The following UBE4B variants were observed in gnomAD, a reference collection of about 807,000 sequenced individuals.
UBE4B encodes the protein ubiquitin conjugation factor E4 B.
In UBE4B, 27 loss-of-function variants were observed where a neutral mutation model predicts 148.1. The ratio of observed to expected loss-of-function variants is 0.18; its 90% CI spans 0.13 to 0.25. The LOEUF is 0.25. UBE4B is among the 10% of genes least tolerant of loss of function. The probability of loss-of-function intolerance (pLI) is 1.00; values close to 1 mark genes in which losing one functional copy is unlikely to be tolerated. For synonymous variants in UBE4B, 596 were observed against 619.3 expected, an observed-to-expected ratio of 0.96 and a Z score of 0.56; for missense variants, 1,170 against 1,662.4, an observed-to-expected ratio of 0.70 and a Z score of 5.15.
chr1:10,098,556 A>G (rs920645037), intron 3 of UBE4B, among the ~76,000 whole-genome samples: 4 of 152,218 alleles, frequency 2.6e-5, no homozygotes, highest in Admixed American at 6.5e-5. Context: ...AGTTGAGCCA[A>G]TGTTCCTCCT....
In UBE4B at chr1:10,130,663, C is replaced by A. The variant is rs147718823; in HGVS notation, c.1812+47C>A. Reference sequence around the variant, plus strand: ...ACTTTGCTGCCCTTTTATTCAGATTCTTTCCCAAATGTGCATTATATGTTG... The same window carrying A: ...ACTTTGCTGCCCTTTTATTCAGATTATTTCCCAAATGTGCATTATATGTTG... On this transcript the variant is annotated intron_variant, in intron 13 of 27. Transcript: ENST00000343090. 4.7e-4 allele frequency: 751 copies of A among 1,612,528 alleles called. 6 individuals carry two copies. The East Asian group carries it at 0.013, about 27-fold the overall frequency.
chr1:10,130,468 C>A, intron 12 of UBE4B, 32 bp from the exon 13 acceptor site: 1 of 1,584,364 alleles, frequency 6.3e-7, no homozygotes, highest in South Asian at 1.1e-5. Flanking sequence ...GCCTGTTCAG[C>A]GGCTTGACTG....
At chr1:10,063,861 C>G (rs1007129651) in intron 1 of UBE4B, among the ~76,000 whole-genome samples, 8 of 151,604 alleles carry the variant, frequency 5.3e-5, no homozygotes, top group African/African-American at 1.9e-4. Flanking sequence ...TGAGCCGAGA[C>G]CATGCCATTG....
intron 25 of UBE4B, among the ~76,000 whole-genome samples, chr1:10,175,749 G>A (rs1646419914): frequency 6.6e-6 from 1 of 152,096 alleles, no homozygotes; most frequent in Non-Finnish European, 1.5e-5. Flanking sequence ...CTAAGTAATT[G>A]CTCCCTCCTC....
chr1:10,139,432 G>GT (rs931127796), intron 17 of UBE4B, among the ~76,000 whole-genome samples: 4 of 152,112 alleles, frequency 2.6e-5, no homozygotes, highest in African/African-American at 9.6e-5. Context: ...ATATTCTCCT[G>GT]TTTTTTATGT....
Position 10,144,905 on chromosome 1 carries a change from T to C in UBE4B, c.2364-35T>C, listed in dbSNP as rs1172561838. 4.5e-6 allele frequency: 7 copies of C among 1,538,488 alleles called. No homozygotes were observed. The African/African-American group carries it at 8.2e-5, about 18-fold the overall frequency. On this transcript the variant is annotated intron_variant, in intron 17 of 27. Transcript: ENST00000343090. ...TGAATGGGTAAGATGGATCCGGCTG[T>C]TTTCTTTCATTTGACTGTTAGTCTT...
chr1:10,142,066 C>T (rs1217320816), intron 17 of UBE4B, among the ~76,000 whole-genome samples: 1 of 151,730 alleles, frequency 6.6e-6, no homozygotes, highest in African/African-American at 2.4e-5. Flanking sequence ...CTATAAGCTC[C>T]ACCACATAAT....
chr1:10,075,395 G>A (rs1207843447), intron 2 of UBE4B, among the ~76,000 whole-genome samples: 1 of 152,150 alleles, frequency 6.6e-6, no homozygotes, highest in Admixed American at 6.5e-5. Context: ...TCTCTTGCCT[G>A]GATTTCTGGA....
chr1:10,065,053 G>A (rs1385046531), intron 1 of UBE4B, among the ~76,000 whole-genome samples: 4 of 152,074 alleles, frequency 2.6e-5, no homozygotes, highest in East Asian at 1.9e-4. Context: ...GTGAGCCACC[G>A]CGCCTGGCCC....
rs900084999 is a variant in UBE4B, at chr1:10,162,583, C to T, written c.3198+1297C>T. 8.6e-5 allele frequency among the ~76,000 whole-genome samples: 13 copies of T among 151,256 alleles called. 1 individual carries two copies. Among genetic ancestry groups the T allele is most frequent in the Non-Finnish European group, 1.5e-5 (1 of 67,950 alleles). On this transcript the variant is annotated intron_variant, in intron 23 of 27. Transcript: ENST00000343090. ...TCAGCCTCCCAAAGTGCTGGGACTACAGGCGTGAGTCACCGCGCCCAGACT... is the reference window on the plus strand; with the variant it reads ...TCAGCCTCCCAAAGTGCTGGGACTATAGGCGTGAGTCACCGCGCCCAGACT...
At chr1:10,092,224 T>G (rs202036384) in intron 2 of UBE4B, among the ~76,000 whole-genome samples, 101 of 101,236 alleles carry the variant, frequency 1.0e-3, no homozygotes, top group African/African-American at 4.8e-3. Context: ...ACCCATCTCT[T>G]TTGTTTTGTT....
At position 10,130,716 on chromosome 1, in the gene UBE4B, T is replaced by G; in HGVS notation, c.1814T>G (p.Val605Gly). Residue 605 changes from valine (V) to glycine (G), a missense_variant and splice_region_variant, in exon 14 of 28, where the codon GTT (valine) becomes GGT (glycine). Physicochemically the swap from Val to Gly is moderately radical, Grantham distance 109. This residue lies in a region of UBE4B where 388 missense variants were observed against 536.0 expected (regional missense o/e 0.72). Coordinates refer to ENST00000343090, the MANE Select transcript of UBE4B (RefSeq NM_001105562.3). The stretch of plus-strand genomic sequence containing the variant: ...TGCATTTTTTCCTTCTCTTTCCAGG[T>G]TAAAGTGGTTGAAAAATACTTCTCA... ...FSFSVFAEDDVKVVEKYFSGP... is the reference protein window; with the variant it reads ...FSFSVFAEDDGKVVEKYFSGP... 6.2e-7 allele frequency: 1 copy of G among 1,614,108 alleles called. No homozygotes were observed. Among genetic ancestry groups the G allele is most frequent in the Non-Finnish European group, 8.5e-7 (1 of 1,179,976 alleles).
Position 10,063,746 on chromosome 1 carries a change from A to G in UBE4B, c.25-8282A>G, listed in dbSNP as rs539253874. On this transcript the variant is annotated intron_variant, in intron 1 of 27. Coordinates refer to ENST00000343090, the MANE Select transcript of UBE4B (RefSeq NM_001105562.3). The stretch of plus-strand genomic sequence containing the variant: ...AACATGGTGAAACCCCGTCTCTACT[A>G]AAAATACAAAAATTAGCTGGGTGTG... 1.6e-4 allele frequency among the ~76,000 whole-genome samples: 24 copies of G among 152,142 alleles called. 1 individual carries two copies. The East Asian group carries it at 4.7e-3, about 29-fold the overall frequency.
intron 25 of UBE4B, among the ~76,000 whole-genome samples, chr1:10,174,702 CAAAAAAAA>C: frequency 1.2e-5 from 1 of 80,160 alleles, no homozygotes; most frequent in East Asian, 4.5e-4. Context: ...AACTCCGTCT[CAAAAAAAA>C]AAAAAAAAAA....
intron 25 of UBE4B, among the ~76,000 whole-genome samples, chr1:10,172,900 G>GA (rs774718160): frequency 3.3e-5 from 5 of 152,114 alleles, no homozygotes; most frequent in Non-Finnish European, 5.9e-5. Flanking sequence ...TCTGTGTTTA[G>GA]AATACTCACC....
chr1:10,056,793 T>G (rs1013688279), intron 1 of UBE4B, among the ~76,000 whole-genome samples: 6 of 152,124 alleles, frequency 3.9e-5, no homozygotes, highest in African/African-American at 1.4e-4. Flanking sequence ...CCATTGCACA[T>G]GGTCTGGTCT....
chr1:10,114,815 G>C (rs1645280577), intron 7 of UBE4B, among the ~76,000 whole-genome samples: 1 of 152,122 alleles, frequency 6.6e-6, no homozygotes, highest in South Asian at 2.1e-4. Context: ...ACTGAGCAGA[G>C]ATCACACCAC....
intron 7 of UBE4B, among the ~76,000 whole-genome samples, chr1:10,115,403 G>C (rs2101911389): frequency 6.6e-6 from 1 of 151,814 alleles, no homozygotes; most frequent in Non-Finnish European, 1.5e-5. Context: ...CAAGTAGCTG[G>C]GATTACAGGC....
chr1:10,083,183 A>G (rs1180336767), intron 2 of UBE4B, among the ~76,000 whole-genome samples: 1 of 152,134 alleles, frequency 6.6e-6, no homozygotes, highest in African/African-American at 2.4e-5. Flanking sequence ...TGCTGGGTCA[A>G]ATGGTATTTC....
Sources: allele counts gnomAD v4.1 joint callset (sites outside exome capture counted in the v4.1 genomes callset), GRCh38; gene constraint gnomAD v4.1.1; regional missense constraint gnomAD v4.1.1; transcripts MANE v1.5; gene names NCBI Gene and HGNC (gene_info 2026-07-23, HGNC 2026-07-21).